DOCK11: variants seen among roughly 807,000 people sequenced by gnomAD.
DOCK11 encodes dedicator of cytokinesis 11.
Under a neutral mutation model 169.1 loss-of-function variants are expected in DOCK11, and 70 were observed. The observed-to-expected ratio is 0.41, with a 90% confidence interval of 0.34 to 0.51. The LOEUF (loss-of-function observed/expected upper bound fraction) is 0.51. DOCK11 is among the 20% of genes least tolerant of loss of function. DOCK11 has a pLI of 0.10. For missense variants in DOCK11, 1,166 were observed against 1,538.8 expected, an observed-to-expected ratio of 0.76 and a Z score of 4.05; for synonymous variants, 529 against 541.3, an observed-to-expected ratio of 0.98 and a Z score of 0.32.
chrX:118,602,926 A>G (rs2014387054), intron 23 of DOCK11, among the ~76,000 whole-genome samples: 1 of 112,230 alleles, frequency 8.9e-6, no homozygotes, highest in Admixed American at 9.5e-5. Flanking sequence ...TCTGGATGCT[A>G]TGAATCAAAT....
rs140934256 is a variant in DOCK11 at position 118,622,405 on chromosome X, A to G, written c.3472-2134A>G. Among the ~76,000 whole-genome samples the G allele has an allele frequency of 8.1e-3, 906 of 112,046 alleles. 5 individuals carry two copies. The highest frequency in any genetic ancestry group is 0.062 in the East Asian group (223 of 3,587). On this transcript the variant is annotated intron_variant, in intron 31 of 52. Coordinates refer to ENST00000276202, the MANE Select transcript of DOCK11 (RefSeq NM_144658.4). Reference sequence around the variant, plus strand: ...CATATGGATATACTTTATTTTATTTATCTAACTAGTCTTCTATTAATAGAT... The same window carrying G: ...CATATGGATATACTTTATTTTATTTGTCTAACTAGTCTTCTATTAATAGAT...
At chrX:118,569,421 A>G (rs2013204865) in intron 10 of DOCK11, 1 of 111,117 alleles carries the variant, frequency 9.0e-6, no homozygotes, top group African/African-American at 3.3e-5. Flanking sequence ...GTAGTCAAGT[A>G]CAGTAGTGAC....
chrX:118,603,450 G>A (rs2014402969), intron 23 of DOCK11, among the ~76,000 whole-genome samples: 1 of 112,310 alleles, frequency 8.9e-6, no homozygotes. Flanking sequence ...GCTACTGGTA[G>A]CAGGGAATGC....
intron 31 of DOCK11, among the ~76,000 whole-genome samples, chrX:118,619,038 T>C (rs2014895437): frequency 9.2e-6 from 1 of 108,127 alleles, no homozygotes; most frequent in Non-Finnish European, 1.9e-5. Context: ...TTGTATTTTT[T>C]AGTAGAGATG....
rs761964182 is a variant in DOCK11 at position 118,564,204 on chromosome X, C to T, written c.694-1801C>T. On this transcript the variant is annotated intron_variant, in intron 7 of 52. Transcript: ENST00000276202. ...CCACCCAAAGTGCTGGGATTACAGG[C>T]GTGAGCCGCCATGCTCAGGCACCTC... Among the ~76,000 whole-genome samples the T allele has an allele frequency of 3.6e-5, 4 of 112,473 alleles. No homozygotes were observed. In the East Asian group the frequency reaches 8.4e-4, roughly 24 times the overall value.
intron 46 of DOCK11, among the ~76,000 whole-genome samples, chrX:118,672,064 A>G (rs2016488109): frequency 8.9e-6 from 1 of 112,334 alleles, no homozygotes. Context: ...TTCACTTCAA[A>G]AAGCTGTCAA....
intron 1 of DOCK11, among the ~76,000 whole-genome samples, chrX:118,510,781 T>G (rs374552402): frequency 3.4e-4 from 38 of 112,095 alleles, no homozygotes; most frequent in African/African-American, 1.2e-3. Flanking sequence ...CTTCTGCATT[T>G]TCAAGGTAAT....
intron 6 of DOCK11, among the ~76,000 whole-genome samples, chrX:118,558,697 C>T (rs1317846532): frequency 8.9e-6 from 1 of 112,113 alleles, no homozygotes; most frequent in East Asian, 2.8e-4. Context: ...TGTTGTTGGG[C>T]AGAGTCTGAT....
At chrX:118,609,794 T>C (rs901925802) in intron 27 of DOCK11, among the ~76,000 whole-genome samples, 1 of 112,513 alleles carries the variant, frequency 8.9e-6, no homozygotes, top group African/African-American at 3.2e-5. Context: ...TGTATACATT[T>C]TGTTGTAATT....
intron 13 of DOCK11, 105 bp downstream of exon 13, chrX:118,578,752 C>A: frequency 1.3e-6 from 1 of 779,183 alleles, no homozygotes; most frequent in Non-Finnish European, 1.8e-6. Context: ...ATTCTGAAAA[C>A]ATTGTATACT....
chrX:118,528,743 C>CT (rs200575033), intron 1 of DOCK11, among the ~76,000 whole-genome samples: 3,053 of 96,413 alleles, frequency 0.032, 92 homozygotes, highest in South Asian at 0.092. Context: ...ACTGCATGGC[C>CT]TTTGGAGCAC....
chrX:118,636,671 T>C (rs909749149), intron 36 of DOCK11, among the ~76,000 whole-genome samples: 3 of 112,542 alleles, frequency 2.7e-5, no homozygotes, highest in African/African-American at 6.5e-5. Context: ...TTCTGTGATC[T>C]GAAAAACTAG....
rs185249341 is a variant in DOCK11 at position 118,507,267 on chromosome X, T to G, written c.102+11194T>G. Among the ~76,000 whole-genome samples the G allele has an allele frequency of 3.4e-4, 38 of 112,665 alleles. 1 individual carries two copies. Among genetic ancestry groups the G allele is most frequent in the African/African-American group, 1.1e-3 (34 of 31,047 alleles). On this transcript the variant is annotated intron_variant, in intron 1 of 52. Coordinates refer to ENST00000276202, the MANE Select transcript of DOCK11 (RefSeq NM_144658.4). The stretch of plus-strand genomic sequence containing the variant: ...AATATTTTACTGGGTAAGATTTAAC[T>G]GAGAAGTCAAGTGTTGCTTCCAAGT...
At chrX:118,560,217 A>G (rs2012859648) in intron 6 of DOCK11, among the ~76,000 whole-genome samples, 1 of 111,611 alleles carries the variant, frequency 9.0e-6, no homozygotes, top group Non-Finnish European at 1.9e-5. Flanking sequence ...TAAGGCTTTT[A>G]TATATTTTGC....
intron 1 of DOCK11, among the ~76,000 whole-genome samples, chrX:118,514,230 A>C (rs781423968): frequency 9.2e-6 from 1 of 109,191 alleles, no homozygotes; most frequent in African/African-American, 3.3e-5. Context: ...AAGTTTCCTG[A>C]GGCCCCCCCC....
chrX:118,638,576 A>T (rs1018603752), intron 37 of DOCK11, among the ~76,000 whole-genome samples: 17 of 112,523 alleles, frequency 1.5e-4, no homozygotes, highest in African/African-American at 5.5e-4. Flanking sequence ...ATAAATACTT[A>T]AGGAAATATT....
chrX:118,584,524 C>T lies in DOCK11; in HGVS notation c.1596-211C>T, dbSNP rs150169027. Among the ~76,000 whole-genome samples, 894 of 111,945 alleles carry T rather than the reference C, an allele frequency of 8.0e-3. 5 individuals carry two copies. The highest frequency in any genetic ancestry group is 9.4e-3 in the African/African-American group (289 of 30,842). On this transcript the variant is annotated intron_variant, in intron 14 of 52. Transcript: ENST00000276202. ...ATAAATTTTTGTTAAATTGCTGCTG[C>T]GCAAATTAAGAACATTCATGTACCA...
intron 35 of DOCK11, among the ~76,000 whole-genome samples, chrX:118,634,790 G>A (rs967304167): frequency 2.7e-5 from 3 of 111,745 alleles, no homozygotes; most frequent in African/African-American, 6.5e-5. Flanking sequence ...GAGCAGTGGC[G>A]CGATCTCAGC....
At chrX:118,647,085 C>A (rs111860508) in intron 40 of DOCK11, among the ~76,000 whole-genome samples, 1,253 of 108,745 alleles carry the variant, frequency 0.012, 12 homozygotes, top group African/African-American at 0.04. Context: ...CACTTTCTTA[C>A]TCCTTTTCTA....
Sources: allele counts gnomAD v4.1 joint callset (sites outside exome capture counted in the v4.1 genomes callset), GRCh38; gene constraint gnomAD v4.1.1; transcripts MANE v1.5; gene names NCBI Gene and HGNC (gene_info 2026-07-23, HGNC 2026-07-21).